The following HECW1 variants were observed in gnomAD, a reference collection of about 807,000 sequenced individuals.
The protein encoded by HECW1 is HECT, C2 and WW domain containing E3 ubiquitin protein ligase 1.
HECW1 carries 61 observed loss-of-function variants against 182.3 expected under a neutral mutation model. The ratio of observed to expected loss-of-function variants is 0.33; its 90% CI spans 0.27 to 0.41. The LOEUF is 0.41. Ranked by LOEUF, HECW1 falls within the 10% of genes least tolerant of loss-of-function variation. HECW1 has a pLI of 1.00. For missense variants in HECW1, 1,739 were observed against 2,108.9 expected, an observed-to-expected ratio of 0.82 and a Z score of 3.44; for synonymous variants, 859 against 832.6, an observed-to-expected ratio of 1.03 and a Z score of -0.55.
intron 2 of HECW1, among the ~76,000 whole-genome samples, chr7:43,179,493 C>A (rs1792584863): frequency 6.6e-6 from 1 of 152,132 alleles, no homozygotes; most frequent in Non-Finnish European, 1.5e-5. Flanking sequence ...CTTAACATGG[C>A]TATGTTCACC....
intron 3 of HECW1, among the ~76,000 whole-genome samples, chr7:43,253,330 GT>G (rs1800229126): frequency 6.6e-6 from 1 of 152,182 alleles, no homozygotes; most frequent in Admixed American, 6.5e-5. Context: ...TTGCTCACTT[GT>G]TGGTAGTGAT....
chr7:43,134,447 G>A (rs17722661), intron 2 of HECW1, among the ~76,000 whole-genome samples: 7,385 of 147,788 alleles, frequency 0.05, 265 homozygotes, highest in East Asian at 0.16. Context: ...TGAATGGAAT[G>A]AACTTCCCAC....
chr7:43,303,311 G>T (rs969447917), intron 3 of HECW1, among the ~76,000 whole-genome samples: 1 of 151,840 alleles, frequency 6.6e-6, no homozygotes. Context: ...GTGTGCGAGC[G>T]ACAAGGAGCA....
intron 2 of HECW1, among the ~76,000 whole-genome samples, chr7:43,128,419 G>A (rs533125055): frequency 1.4e-4 from 21 of 152,266 alleles, no homozygotes; most frequent in African/African-American, 4.8e-4. Context: ...TCTGTAAATG[G>A]AACAATGAAG....
chr7:43,457,636 G>C (rs963434618), intron 13 of HECW1, among the ~76,000 whole-genome samples: 1 of 151,970 alleles, frequency 6.6e-6, no homozygotes, highest in Non-Finnish European at 1.5e-5. Context: ...TTAGCCAAGC[G>C]TGGTGGCAGG....
chr7:43,279,090 T>G (rs1803560212), intron 3 of HECW1, among the ~76,000 whole-genome samples: 1 of 152,160 alleles, frequency 6.6e-6, no homozygotes, highest in Admixed American at 6.5e-5. Flanking sequence ...TGAGCTGGGT[T>G]AGATTATATT....
At chr7:43,224,426 C>T (rs1357283436) in intron 2 of HECW1, among the ~76,000 whole-genome samples, 2 of 152,214 alleles carry the variant, frequency 1.3e-5, no homozygotes, top group Non-Finnish European at 2.9e-5. Flanking sequence ...CACTCACAAC[C>T]TAGCTGAGTT....
chr7:43,423,126 T>C (rs2076248834), intron 8 of HECW1, among the ~76,000 whole-genome samples: 2 of 152,170 alleles, frequency 1.3e-5, no homozygotes. Flanking sequence ...ATAGTGTCAT[T>C]AGCACAAAAA....
chr7:43,538,742 T>A (rs894313030), intron 24 of HECW1, among the ~76,000 whole-genome samples: 3 of 152,236 alleles, frequency 2.0e-5, no homozygotes, highest in Non-Finnish European at 2.9e-5. Flanking sequence ...CAAGGGTCAA[T>A]GAGATATTGT....
chr7:43,550,970 A>C (rs1332757280), intron 27 of HECW1, among the ~76,000 whole-genome samples: 1 of 152,208 alleles, frequency 6.6e-6, no homozygotes, highest in African/African-American at 2.4e-5. Context: ...GGTATTGTCC[A>C]CTGTCACTAG....
chr7:43,369,136 A>G (rs937691379), intron 6 of HECW1, among the ~76,000 whole-genome samples: 1 of 152,162 alleles, frequency 6.6e-6, no homozygotes, highest in Non-Finnish European at 1.5e-5. Flanking sequence ...GTCACAGGAA[A>G]TATAAATGTC....
chr7:43,308,288 TTA>T (rs368501997), intron 3 of HECW1, among the ~76,000 whole-genome samples: 11,268 of 117,346 alleles, frequency 0.096, 1,108 homozygotes, highest in Non-Finnish European at 0.13. Context: ...TATGATATAT[TTA>T]TATATATTAT....
chr7:43,187,335 A>G (rs1793503012), intron 2 of HECW1, among the ~76,000 whole-genome samples: 1 of 141,854 alleles, frequency 7.0e-6, no homozygotes, highest in South Asian at 2.2e-4. Flanking sequence ...CAGCCTTTCA[A>G]GTGGAGGAAA....
chr7:43,534,666 G>A lies in HECW1; in HGVS notation c.4020-6497G>A, dbSNP rs113615566. 1.8e-3 allele frequency among the ~76,000 whole-genome samples: 274 copies of A among 152,278 alleles called. 1 individual carries two copies. Among genetic ancestry groups the A allele is most frequent in the African/African-American group, 6.4e-3 (265 of 41,546 alleles). On this transcript the variant is annotated intron_variant, in intron 24 of 29. Coordinates refer to ENST00000395891, the MANE Select transcript of HECW1 (RefSeq NM_015052.5). The stretch of plus-strand genomic sequence containing the variant: ...ATTTTCTGTGGGTTTGTATAGTTGC[G>A]CTCCACTGGGATAAAACCAGATGAT...
chr7:43,325,890 G>A (rs1424949331), intron 5 of HECW1, among the ~76,000 whole-genome samples: 6 of 152,118 alleles, frequency 3.9e-5, no homozygotes, highest in Admixed American at 6.6e-5. Flanking sequence ...TCAGAAGAAC[G>A]CCCCTCAACC....
intron 5 of HECW1, among the ~76,000 whole-genome samples, chr7:43,349,005 CT>C (rs796981584): frequency 9.1e-4 from 138 of 151,416 alleles, no homozygotes; most frequent in African/African-American, 3.2e-3. Flanking sequence ...ATGAAATGTT[CT>C]TTTTTTTCTT....
intron 5 of HECW1, among the ~76,000 whole-genome samples, chr7:43,350,737 A>G (rs1287506362): frequency 6.6e-6 from 1 of 152,130 alleles, no homozygotes; most frequent in Non-Finnish European, 1.5e-5. Flanking sequence ...TCTTTAAGCT[A>G]TCTATTTCCA....
chr7:43,303,534 G>C (rs1050629885), intron 3 of HECW1, among the ~76,000 whole-genome samples: 2 of 151,932 alleles, frequency 1.3e-5, no homozygotes, highest in Admixed American at 6.6e-5. Context: ...ATCTGGCTTG[G>C]CTTGATTTGC....
chr7:43,396,608 C>G (rs1418263009), intron 6 of HECW1: 3 of 471,538 alleles, frequency 6.4e-6, no homozygotes, highest in Non-Finnish European at 1.2e-5. Flanking sequence ...TGAAAAGTAC[C>G]CATCACCCCC....
Sources: allele counts gnomAD v4.1 joint callset (sites outside exome capture counted in the v4.1 genomes callset), GRCh38; gene constraint gnomAD v4.1.1; transcripts MANE v1.5; gene names NCBI Gene and HGNC (gene_info 2026-07-23, HGNC 2026-07-21).